The following KAZN variants were observed in gnomAD, a reference collection of about 807,000 sequenced individuals.
KAZN encodes kazrin, periplakin interacting protein, also known as kazrin.
A neutral mutation model predicts 87.4 loss-of-function variants in KAZN; 40 were observed. The ratio of observed to expected loss-of-function variants is 0.46; its 90% CI spans 0.36 to 0.60. KAZN has a LOEUF of 0.60. KAZN is among the 20% of genes least tolerant of loss of function. The pLI is 0.00. For missense variants in KAZN, 898 were observed against 1,073.9 expected, an observed-to-expected ratio of 0.84 and a Z score of 2.29; for synonymous variants, 466 against 458.3, an observed-to-expected ratio of 1.02 and a Z score of -0.22.
intron 1 of KAZN, among the ~76,000 whole-genome samples, chr1:14,881,748 C>A (rs1338263305): frequency 1.3e-5 from 2 of 152,284 alleles, no homozygotes; most frequent in Middle Eastern, 3.4e-3. Context: ...CTCATATGAA[C>A]CATTTTGAAT....
intron 2 of KAZN, among the ~76,000 whole-genome samples, chr1:14,277,156 T>C (rs1652425020): frequency 6.6e-6 from 1 of 152,216 alleles, no homozygotes; most frequent in Non-Finnish European, 1.5e-5. Flanking sequence ...AACGCCCTTG[T>C]GCCCATTATA....
At chr1:15,078,437 G>T (rs1437956340) in intron 8 of KAZN, among the ~76,000 whole-genome samples, 2 of 152,110 alleles carry the variant, frequency 1.3e-5, no homozygotes, top group African/African-American at 4.8e-5. Context: ...ATGGAACGAG[G>T]CCAAGAATTG....
chr1:13,922,026 C>G (rs1640088355), intron 1 of KAZN, among the ~76,000 whole-genome samples: 1 of 152,040 alleles, frequency 6.6e-6, no homozygotes, highest in East Asian at 1.9e-4. Flanking sequence ...CCTTTTGGTG[C>G]TCTATACAGT....
At chr1:14,883,155 C>A (rs1159508443) in intron 1 of KAZN, among the ~76,000 whole-genome samples, 1 of 151,500 alleles carries the variant, frequency 6.6e-6, no homozygotes. Flanking sequence ...ATTAGCTGGG[C>A]GTGATGGCAC....
chr1:13,905,559 C>T (rs1418593590), intron 1 of KAZN, among the ~76,000 whole-genome samples: 1 of 152,182 alleles, frequency 6.6e-6, no homozygotes, highest in Non-Finnish European at 1.5e-5. Context: ...TCTCATCTTC[C>T]CTGATGTCGA....
At chr1:14,422,428 C>A (rs187843349) in intron 2 of KAZN, among the ~76,000 whole-genome samples, 1 of 152,188 alleles carries the variant, frequency 6.6e-6, no homozygotes, top group African/African-American at 2.4e-5. Flanking sequence ...CAGAACAAAA[C>A]GCTACGCAGC....
intron 1 of KAZN, among the ~76,000 whole-genome samples, chr1:14,852,779 C>T (rs569747554): frequency 3.3e-5 from 5 of 152,324 alleles, no homozygotes; most frequent in East Asian, 1.9e-4. Flanking sequence ...AATAAGATTA[C>T]GTGTTAGCTT....
intron 1 of KAZN, among the ~76,000 whole-genome samples, chr1:14,058,518 G>T (rs538530058): frequency 1.3e-5 from 2 of 152,268 alleles, no homozygotes; most frequent in South Asian, 4.1e-4. Flanking sequence ...TTTAGTAAGT[G>T]CACACTGTGT....
chr1:14,911,132 G>A (rs1300248299), intron 1 of KAZN, among the ~76,000 whole-genome samples: 1 of 152,146 alleles, frequency 6.6e-6, no homozygotes, highest in Non-Finnish European at 1.5e-5. Flanking sequence ...CCCTTCTGAG[G>A]TCCAATGCCA....
At chr1:14,988,760 T>A (rs1667074210) in intron 2 of KAZN, among the ~76,000 whole-genome samples, 1 of 152,062 alleles carries the variant, frequency 6.6e-6, no homozygotes, top group African/African-American at 2.4e-5. Context: ...TGGTCAGATG[T>A]GCGGCTCAGC....
chr1:14,775,982 T>C (rs2100617624), intron 1 of KAZN, among the ~76,000 whole-genome samples: 1 of 152,328 alleles, frequency 6.6e-6, no homozygotes, highest in East Asian at 1.9e-4. Flanking sequence ...GACCCTCTCC[T>C]GGACTTCCAC....
intron 2 of KAZN, among the ~76,000 whole-genome samples, chr1:15,029,722 T>C (rs1472119164): frequency 6.6e-6 from 1 of 152,144 alleles, no homozygotes; most frequent in Non-Finnish European, 1.5e-5. Flanking sequence ...CTCATGGAGA[T>C]GTGGGTAATG....
At chr1:14,808,713 T>G (rs190363510) in intron 1 of KAZN, among the ~76,000 whole-genome samples, 442 of 152,284 alleles carry the variant, frequency 2.9e-3, no homozygotes, top group Non-Finnish European at 5.3e-3. Flanking sequence ...TATAATATAT[T>G]ATTTGAGATA....
intron 1 of KAZN, among the ~76,000 whole-genome samples, chr1:14,609,787 C>T (rs6676539): frequency 0.27 from 40,551 of 152,188 alleles, 6,747 homozygotes; most frequent in East Asian, 0.41. Context: ...TTGAGGTAGA[C>T]GCAGCAATCT....
intron 1 of KAZN, among the ~76,000 whole-genome samples, chr1:14,669,999 T>C (rs1639818413): frequency 6.6e-6 from 1 of 152,168 alleles, no homozygotes; most frequent in Admixed American, 6.5e-5. Context: ...AGAACAGCCA[T>C]ATAAGATGGC....
intron 8 of KAZN, chr1:15,067,486 T>A: frequency 1.0e-6 from 1 of 985,422 alleles, no homozygotes; most frequent in Non-Finnish European, 1.2e-6. Flanking sequence ...AAAACTCAAT[T>A]TCCTTATTCT....
At chr1:14,801,339 C>T (rs1015521137) in intron 1 of KAZN, among the ~76,000 whole-genome samples, 1 of 152,158 alleles carries the variant, frequency 6.6e-6, no homozygotes, top group Admixed American at 6.5e-5. Flanking sequence ...GGCTGACTGG[C>T]GCTCACTGTC....
At chr1:14,435,919 G>A (rs533206619) in intron 2 of KAZN, among the ~76,000 whole-genome samples, 96 of 152,250 alleles carry the variant, frequency 6.3e-4, no homozygotes, top group African/African-American at 1.8e-3. Flanking sequence ...TATGTGGAGC[G>A]TTACTGTGTG....
chr1:14,968,289 G>T (rs1403022201), intron 2 of KAZN, among the ~76,000 whole-genome samples: 5 of 152,100 alleles, frequency 3.3e-5, no homozygotes, highest in Non-Finnish European at 5.9e-5. Flanking sequence ...AGAGTCTAAT[G>T]CCATCGCTGC....
Sources: gnomAD v4.1 joint callset for allele counts (sites outside exome capture counted in the v4.1 genomes callset) on GRCh38, gnomAD v4.1.1 for gene constraint, MANE v1.5 for transcripts, NCBI Gene and HGNC (gene_info 2026-07-23, HGNC 2026-07-21) for gene names.